The following CASQ2 variants were observed in gnomAD, a reference collection of about 807,000 sequenced individuals.
The protein encoded by CASQ2 is calsequestrin 2, also known as calsequestrin-2.
A neutral mutation model predicts 46.5 loss-of-function variants in CASQ2; 49 were observed. The observed-to-expected ratio is 1.05, with a 90% CI of 0.84 to 1.34. CASQ2 has a LOEUF of 1.34. CASQ2 is among the 40% of genes most tolerant of loss of function. CASQ2 has a pLI of 0.00. For missense variants in CASQ2, 486 were observed against 481.3 expected (o/e 1.01, Z -0.09); for synonymous variants, 174 against 168.5 (o/e 1.03, Z -0.25).
At chr1:115,736,340 A>C (rs1647958440) in intron 4 of CASQ2, among the ~76,000 whole-genome samples, 2 of 151,888 alleles carry the variant, frequency 1.3e-5, no homozygotes, top group Non-Finnish European at 2.9e-5. Context: ...CCTAATATCA[A>C]AAAGCTATAT....
chr1:115,727,675 G>A (rs1487941789), intron 5 of CASQ2, among the ~76,000 whole-genome samples: 2 of 152,098 alleles, frequency 1.3e-5, no homozygotes, highest in African/African-American at 2.4e-5. Context: ...TTGCTTCATG[G>A]TTTGTCAGGC....
intron 8 of CASQ2, among the ~76,000 whole-genome samples, 153 bp downstream of exon 8, chr1:115,717,687 G>A (rs143146652): frequency 6.6e-6 from 1 of 152,202 alleles, no homozygotes; most frequent in African/African-American, 2.4e-5. Context: ...AATTGAAAAC[G>A]AACTCATACT....
chr1:115,708,486 G>T (rs1002514584), intron 8 of CASQ2, among the ~76,000 whole-genome samples: 1 of 152,138 alleles, frequency 6.6e-6, no homozygotes. Flanking sequence ...GGGGCCAAAT[G>T]ACCTTGGCCA....
At chr1:115,740,903 C>G (rs1648154231) in intron 2 of CASQ2, 75 bp from the exon 3 acceptor site, 1 of 1,004,608 alleles carries the variant, frequency 1.0e-6, no homozygotes, top group Non-Finnish European at 1.6e-6. Flanking sequence ...TGAGGTCTGG[C>G]TGAGGGTTTC....
At chr1:115,748,463 T>C (rs1648461295) in intron 1 of CASQ2, among the ~76,000 whole-genome samples, 1 of 152,154 alleles carries the variant, frequency 6.6e-6, no homozygotes, top group African/African-American at 2.4e-5. Flanking sequence ...CCTCTGGTGG[T>C]TGGGGACTGA....
chr1:115,726,827 T>G (rs1393662611), intron 6 of CASQ2, among the ~76,000 whole-genome samples, 165 bp downstream of exon 6: 1 of 152,190 alleles, frequency 6.6e-6, no homozygotes, highest in African/African-American at 2.4e-5. Context: ...AGTAATAACA[T>G]CCCTGCTAGT....
intron 2 of CASQ2, among the ~76,000 whole-genome samples, chr1:115,741,987 G>A (rs761143327): frequency 1.8e-4 from 28 of 152,102 alleles, no homozygotes; most frequent in South Asian, 6.2e-4. Flanking sequence ...TCTGGCACAT[G>A]GGCGGGAAAT....
intron 8 of CASQ2, among the ~76,000 whole-genome samples, chr1:115,708,259 G>A (rs976950673): frequency 6.6e-6 from 1 of 152,156 alleles, no homozygotes; most frequent in Non-Finnish European, 1.5e-5. Context: ...CTATGGAGAA[G>A]CAAAGAAATC....
At position 115,700,269 on chromosome 1, in the gene CASQ2, T is replaced by A. The variant is rs1654166445; in HGVS notation, c.*972A>T. ...TCAGGGCATCAGTATGAACTCCAAT[T>A]ATTGTTGCCCTGGCCAATTGTGGGA... On this transcript the variant is annotated 3_prime_UTR_variant, in exon 11 of 11. Coordinates refer to ENST00000261448, the MANE Select transcript of CASQ2 (RefSeq NM_001232.4). 1 of 152,486 alleles carries A rather than the reference T, an allele frequency of 6.6e-6. No homozygotes were observed. Among genetic ancestry groups the A allele is most frequent in the South Asian group, 2.1e-4 (1 of 4,820 alleles). The allele number at this position is 152,486 out of a possible 1,614,324, so 9.4% of individuals were successfully genotyped here. A position where few individuals can be genotyped will look rare whatever the true frequency, so the allele number is the denominator to read the frequency against.
chr1:115,701,841 C>T (rs996756921), intron 10 of CASQ2, among the ~76,000 whole-genome samples: 6 of 152,092 alleles, frequency 3.9e-5, no homozygotes, highest in African/African-American at 1.4e-4. Context: ...AAGTAGCTTA[C>T]AAAATAAATG....
intron 1 of CASQ2, among the ~76,000 whole-genome samples, chr1:115,747,372 G>A (rs1648424301): frequency 6.6e-6 from 1 of 152,150 alleles, no homozygotes. Flanking sequence ...CTTGATTGCA[G>A]TAGCTAGGAT....
chr1:115,740,354 T>G (rs1483679013), intron 3 of CASQ2, among the ~76,000 whole-genome samples: 2 of 152,194 alleles, frequency 1.3e-5, no homozygotes, highest in Admixed American at 1.3e-4. Context: ...GTGACCTGGC[T>G]GATTGGTACT....
At chr1:115,742,398 TG>T (rs1648219164) in intron 2 of CASQ2, among the ~76,000 whole-genome samples, 1 of 152,022 alleles carries the variant, frequency 6.6e-6, no homozygotes, top group Non-Finnish European at 1.5e-5. Flanking sequence ...CTACTGCAAT[TG>T]TTGAGGCACA....
chr1:115,703,629 T>A (rs6675415), intron 9 of CASQ2, among the ~76,000 whole-genome samples: 59,110 of 151,928 alleles, frequency 0.39, 12,700 homozygotes, highest in African/African-American at 0.56. Context: ...GGCAAACACA[T>A]AGAACTGGCC....
chr1:115,746,685 T>C (rs1648401938), intron 1 of CASQ2, among the ~76,000 whole-genome samples: 1 of 152,250 alleles, frequency 6.6e-6, no homozygotes, highest in South Asian at 2.1e-4. Context: ...GATTGCTTTT[T>C]GGCTGTTGAA....
At chr1:115,732,336 A>G (rs1004460027) in intron 5 of CASQ2, 7 of 154,256 alleles carry the variant, frequency 4.5e-5, no homozygotes, top group African/African-American at 1.4e-4. Context: ...CTTGGATTAT[A>G]GAGCACTCTT....
At chr1:115,742,999 A>T (rs1392307937) in intron 2 of CASQ2, among the ~76,000 whole-genome samples, 1 of 151,942 alleles carries the variant, frequency 6.6e-6, no homozygotes, top group African/African-American at 2.4e-5. Flanking sequence ...CGTGTTAGCC[A>T]GGATGGTCTC....
intron 3 of CASQ2, among the ~76,000 whole-genome samples, chr1:115,738,678 T>G (rs1377901623): frequency 1.3e-5 from 2 of 152,248 alleles, no homozygotes; most frequent in African/African-American, 4.8e-5. Context: ...TAAATCAAGC[T>G]AATTAACCTA....
chr1:115,748,209 A>G (rs996139972), intron 1 of CASQ2, among the ~76,000 whole-genome samples: 2 of 151,650 alleles, frequency 1.3e-5, no homozygotes, highest in African/African-American at 4.8e-5. Flanking sequence ...TTTCTTTTCT[A>G]TGTTTGTTTC....
Sources: gnomAD v4.1 joint callset for allele counts (sites outside exome capture counted in the v4.1 genomes callset) on GRCh38, gnomAD v4.1.1 for gene constraint, MANE v1.5 for transcripts, NCBI Gene and HGNC (gene_info 2026-07-23, HGNC 2026-07-21) for gene names.